FBXO21: variants seen among roughly 807,000 people sequenced by gnomAD.
The protein encoded by FBXO21 is F-box only protein 21.
A neutral mutation model predicts 76.6 loss-of-function variants in FBXO21; 32 were observed. The ratio of observed to expected loss-of-function variants is 0.42; its 90% confidence interval spans 0.32 to 0.56. The LOEUF (loss-of-function observed/expected upper bound fraction) is 0.56, where lower values mean the gene tolerates loss of function less well. FBXO21 is among the 20% of genes least tolerant of loss of function. FBXO21 has a pLI of 0.16. For synonymous variants in FBXO21, 328 were observed against 311.5 expected, an observed-to-expected ratio of 1.05 and a Z score of -0.56; for missense variants, 586 against 797.3, an observed-to-expected ratio of 0.73 and a Z score of 3.19.
chr12:117,168,184 A>G (rs1956077446), intron 7 of FBXO21, among the ~76,000 whole-genome samples: 1 of 152,204 alleles, frequency 6.6e-6, no homozygotes, highest in Non-Finnish European at 1.5e-5. Context: ...TGGTTGCTAA[A>G]AAAGTCCAGT....
intron 3 of FBXO21, among the ~76,000 whole-genome samples, chr12:117,181,817 T>C (rs1053757905): frequency 6.6e-6 from 1 of 152,032 alleles, no homozygotes; most frequent in African/African-American, 2.4e-5. Flanking sequence ...GCCCGGCTAA[T>C]TTTTTGTATT....
intron 2 of FBXO21, chr12:117,188,683 G>A (rs923749540): frequency 6.7e-6 from 1 of 150,200 alleles, no homozygotes; most frequent in African/African-American, 2.4e-5. Context: ...AAACTTTTCA[G>A]GGATAATGAA....
chr12:117,179,008 C>T (rs1956203521), intron 3 of FBXO21, among the ~76,000 whole-genome samples: 10 of 152,070 alleles, frequency 6.6e-5, no homozygotes, highest in Admixed American at 3.9e-4. Flanking sequence ...AATTCTTCAC[C>T]ACATATCCCA....
At chr12:117,186,434 G>T in intron 3 of FBXO21, 43 bp downstream of exon 3, 1 of 1,295,224 alleles carries the variant, frequency 7.7e-7, no homozygotes, top group Non-Finnish European at 1.1e-6. Flanking sequence ...ATTTACTCTG[G>T]ACTTATTAAA....
At chr12:117,165,756 G>A (rs4767511) in intron 8 of FBXO21, 139 bp from the exon 9 acceptor site, 320,740 of 776,930 alleles carry the variant, frequency 0.41, 69,897 homozygotes, top group Admixed American at 0.58. Flanking sequence ...TCAGCTCAAC[G>A]AAGAGATACA....
intron 3 of FBXO21, among the ~76,000 whole-genome samples, chr12:117,181,400 G>T (rs1330448358): frequency 6.6e-6 from 1 of 152,006 alleles, no homozygotes; most frequent in Non-Finnish European, 1.5e-5. Context: ...CCTTATAAAT[G>T]ACTTTACCTT....
intron 9 of FBXO21, among the ~76,000 whole-genome samples, chr12:117,164,061 G>A (rs1292460772): frequency 2.0e-5 from 3 of 149,950 alleles, no homozygotes; most frequent in Non-Finnish European, 4.4e-5. Context: ...GGAGTCCAAG[G>A]CCAGCCTGGG....
In FBXO21 at chr12:117,190,432, C is replaced by T; in HGVS notation, c.25G>A (p.Ala9Thr). 2.1e-6 allele frequency: 3 copies of T among 1,429,506 alleles called. No individual in the cohort carries two copies. Among genetic ancestry groups the T allele is most frequent in the Non-Finnish European group, 1.9e-6 (2 of 1,074,706 alleles). 88.6% of individuals were successfully genotyped at this position (1,429,506 alleles called of 1,614,324 possible). The change falls in exon 1 of 12, where the codon GCG becomes ACG. Residue 9 changes from alanine (A) to threonine (T), a missense_variant. Physicochemically the swap from Ala to Thr is moderately conservative, Grantham distance 58 (BLOSUM62 0). Around this residue, in one of 6 missense-constraint regions of FBXO21, gnomAD observed 152 missense variants for 127.2 expected, o/e 1.19. Coordinates refer to ENST00000622495, the MANE Select transcript of FBXO21 (RefSeq NM_015002.3). ...GCCAGCGCCGGCACCACCTCCATCG[C>T]GCTGTCGACTGCTGCCGCCGCCATC... MAAAAVDSAMEVVPALAEE... is the reference protein window; with the variant it reads MAAAAVDSTMEVVPALAEE...
At chr12:117,177,754 A>C in intron 3 of FBXO21, 113 bp from the exon 4 acceptor site, 1 of 758,680 alleles carries the variant, frequency 1.3e-6, no homozygotes, top group Non-Finnish European at 2.1e-6. Context: ...TAATTGGTTC[A>C]TTCTCTTATA....
At chr12:117,154,665 T>C (rs113024691) in intron 11 of FBXO21, among the ~76,000 whole-genome samples, 6,933 of 152,324 alleles carry the variant, frequency 0.046, 496 homozygotes, top group African/African-American at 0.15. Context: ...CTTGCTGTGT[T>C]GCCCAGGCTG....
At chr12:117,156,521 GAGA>G (rs1291424264) in intron 10 of FBXO21, among the ~76,000 whole-genome samples, 3 of 152,214 alleles carry the variant, frequency 2.0e-5, no homozygotes, top group African/African-American at 2.4e-5. Context: ...TGAAAAGACA[GAGA>G]AGGAGAGAGC....
intron 1 of FBXO21, among the ~76,000 whole-genome samples, chr12:117,189,919 C>A (rs1446156948): frequency 6.6e-6 from 1 of 152,170 alleles, no homozygotes; most frequent in East Asian, 1.9e-4. Flanking sequence ...CATTTCAGCC[C>A]GAAGTCGGGC....
At chr12:117,167,355 A>G (rs1956064733) in intron 7 of FBXO21, among the ~76,000 whole-genome samples, 1 of 152,194 alleles carries the variant, frequency 6.6e-6, no homozygotes, top group Non-Finnish European at 1.5e-5. Flanking sequence ...TTCAGCTAAG[A>G]TAAAGATTTA....
In FBXO21 at chr12:117,172,746, T is replaced by C; in HGVS notation, c.877-139A>G. The stretch of plus-strand genomic sequence containing the variant: ...GGCTTAAGTGAGTATTTCACTTATT[T>C]AGGTCAGGGGTGGGTAAACTATGGT... On this transcript the variant is annotated intron_variant, in intron 6 of 11. Transcript: ENST00000622495. 4 of 851,504 alleles carry C rather than the reference T, an allele frequency of 4.7e-6. No individual in the cohort carries two copies. The Middle Eastern group carries it at 1.1e-3, about 234-fold the overall frequency. The allele number at this position is 851,504 out of a possible 1,614,324, so 52.7% of individuals were successfully genotyped here. A position where few individuals can be genotyped will look rare whatever the true frequency, so the allele number is the denominator to read the frequency against.
intron 11 of FBXO21, among the ~76,000 whole-genome samples, chr12:117,149,782 G>T (rs949172295): frequency 6.6e-6 from 1 of 152,292 alleles, no homozygotes; most frequent in South Asian, 2.1e-4. Context: ...GGGACAGCCT[G>T]GTGTTGGTAA....
chr12:117,180,449 GTC>G (rs1333680141), intron 3 of FBXO21, among the ~76,000 whole-genome samples: 21 of 152,228 alleles, frequency 1.4e-4, no homozygotes, highest in African/African-American at 4.8e-4. Context: ...AAAAATATAT[GTC>G]TCTGACCTTC....
chr12:117,143,266 GCA>G lies in FBXO21; in HGVS notation c.*2819_*2820del, dbSNP rs1955734348. On this transcript the variant is annotated 3_prime_UTR_variant, in exon 12 of 12. Transcript: ENST00000622495. The stretch of plus-strand genomic sequence containing the variant: ...CATATATCAAGATGACACACCCGCT[GCA>G]CACTTCTCTTAGAAAGTCACGACGC... The G allele has an allele frequency of 6.6e-6, 1 of 152,088 alleles. No individual in the cohort carries two copies. The highest frequency in any genetic ancestry group is 1.5e-5 in the Non-Finnish European group (1 of 68,006). 9.4% of individuals were successfully genotyped at this position (152,088 alleles called of 1,614,324 possible).
chr12:117,150,426 G>A (rs971591220), intron 11 of FBXO21, among the ~76,000 whole-genome samples: 3 of 152,322 alleles, frequency 2.0e-5, no homozygotes, highest in East Asian at 1.9e-4. Context: ...AAGCACCATC[G>A]GTGCCAGTGT....
rs374267913 is a variant in FBXO21 at position 117,155,959 on chromosome 12, C to G, written c.1518-11G>C. ...CAGTTATAGCCATACCTAGTTAACA[C>G]AGGAGGAGCAGTCAGTCCCTGCAGA... On this transcript the variant is annotated splice_polypyrimidine_tract_variant and intron_variant, in intron 10 of 11. Coordinates refer to ENST00000622495, the MANE Select transcript of FBXO21 (RefSeq NM_015002.3). 111 of 1,613,116 alleles carry G rather than the reference C, an allele frequency of 6.9e-5. 1 individual carries two copies. In the East Asian group the frequency reaches 1.2e-3, roughly 18 times the overall value.
Sources: gnomAD v4.1 joint callset for allele counts (sites outside exome capture counted in the v4.1 genomes callset) on GRCh38, gnomAD v4.1.1 for gene constraint, gnomAD v4.1.1 regional missense constraint, MANE v1.5 for transcripts, NCBI Gene and HGNC (gene_info 2026-07-23, HGNC 2026-07-21) for gene names.